Variants in SCAMP5 observed in about 807,000 individuals in gnomAD.
SCAMP5 encodes the protein secretory carrier membrane protein 5, also known as secretory carrier-associated membrane protein 5.
Under a neutral mutation model 28.3 loss-of-function variants are expected in SCAMP5, and 7 were observed. The ratio of observed to expected loss-of-function variants is 0.25; its 90% CI spans 0.14 to 0.46. SCAMP5 has a LOEUF of 0.46. Among genes scored for constraint, SCAMP5 ranks in the 20% least tolerant of loss-of-function variants. SCAMP5 has a pLI of 0.99. For missense variants in SCAMP5, 192 were observed against 312.5 expected (o/e 0.61, Z 2.91); for synonymous variants, 117 against 116.4 (o/e 1.00, Z -0.03).
Position 75,019,003 on chromosome 15 carries a change from TG to T in SCAMP5, c.*22del. ...ATGTGAACCAGCCACGCCTACCAGG[TG>T]GCAGAGCTGGGGCCATTGGGACAGG... On this transcript the variant is annotated 3_prime_UTR_variant, in exon 7 of 7. Coordinates refer to ENST00000425597, the MANE Select transcript of SCAMP5 (RefSeq NM_138967.4). 2 of 1,480,406 alleles carry T rather than the reference TG, an allele frequency of 1.4e-6. No homozygotes were observed. Among genetic ancestry groups the T allele is most frequent in the Non-Finnish European group, 1.8e-6 (2 of 1,116,956 alleles). 91.7% of individuals were successfully genotyped at this position (1,480,406 alleles called of 1,614,324 possible).
Position 75,018,734 on chromosome 15 carries a change from G to T in SCAMP5, c.514-55G>T. 1 of 1,355,572 alleles carries T rather than the reference G, an allele frequency of 7.4e-7. No homozygotes were observed. The highest frequency in any genetic ancestry group is 1.0e-6 in the Non-Finnish European group (1 of 953,590). 84.0% of individuals were successfully genotyped at this position (1,355,572 alleles called of 1,614,324 possible). A position where few individuals can be genotyped will look rare whatever the true frequency, so the allele number is the denominator to read the frequency against. On this transcript the variant is annotated intron_variant, in intron 6 of 6. Transcript: ENST00000425597. The surrounding 1 kb of genome is among the most constrained non-coding windows in gnomAD (Gnocchi z 5.6). ...TACAGATGGGTCCCATCTATTTCCT[G>T]GATGGGCTGCCTTTTCTCTTTGATT...
At chr15:75,011,147 C>T (rs546540241) in intron 1 of SCAMP5, among the ~76,000 whole-genome samples, 2 of 151,752 alleles carry the variant, frequency 1.3e-5, no homozygotes, top group East Asian at 2.0e-4. Context: ...CTGAGGCTGC[C>T]GTGAGCTGGG....
intron 3 of SCAMP5, among the ~76,000 whole-genome samples, chr15:75,015,398 G>T (rs1768574375): frequency 1.3e-5 from 2 of 151,786 alleles, no homozygotes. Flanking sequence ...GTCCCTGCTG[G>T]CCGTGACTCA....
chr15:74,999,631 C>G (rs2065684080), intron 1 of SCAMP5, among the ~76,000 whole-genome samples: 1 of 151,758 alleles, frequency 6.6e-6, no homozygotes, highest in Admixed American at 6.6e-5. Context: ...CAAACAAAAA[C>G]AAAAATAAAA....
At chr15:74,997,001 C>T (rs796102548) in intron 1 of SCAMP5, among the ~76,000 whole-genome samples, 5 of 152,168 alleles carry the variant, frequency 3.3e-5, no homozygotes, top group African/African-American at 9.6e-5. Context: ...TTTCTTTAAC[C>T]GTTTCCTGAG....
intron 2 of SCAMP5, 37 bp downstream of exon 2, chr15:75,011,883 C>G: frequency 6.3e-7 from 1 of 1,595,052 alleles, no homozygotes; most frequent in Non-Finnish European, 8.6e-7. Flanking sequence ...TAGGACATGA[C>G]AGTGAGCATA....
rs576989259 is a variant in SCAMP5, at chr15:75,003,313, A to T, written c.-49+7640A>T. The stretch of plus-strand genomic sequence containing the variant: ...ATGTCATCAATTATATGGAAATGGT[A>T]TAAAGTTATATAGTAAATATTCTGC... On this transcript the variant is annotated intron_variant, in intron 1 of 6. Coordinates refer to ENST00000425597, the MANE Select transcript of SCAMP5 (RefSeq NM_138967.4). Among the ~76,000 whole-genome samples the T allele has an allele frequency of 3.9e-5, 6 of 152,334 alleles. No homozygotes were observed. The South Asian group carries it at 1.2e-3, about 32-fold the overall frequency.
At chr15:74,998,092 C>A (rs888530175) in intron 1 of SCAMP5, among the ~76,000 whole-genome samples, 1 of 152,202 alleles carries the variant, frequency 6.6e-6, no homozygotes, top group Non-Finnish European at 1.5e-5. Flanking sequence ...CCAGAGGCCT[C>A]AGTCTCCCCA....
chr15:75,003,801 C>A (rs1301958186), intron 1 of SCAMP5, among the ~76,000 whole-genome samples: 1 of 152,082 alleles, frequency 6.6e-6, no homozygotes, highest in African/African-American at 2.4e-5. Context: ...CAAAGTGAGA[C>A]CCTATCTAAA....
chr15:75,002,649 C>T (rs2065720622), intron 1 of SCAMP5, among the ~76,000 whole-genome samples: 1 of 151,984 alleles, frequency 6.6e-6, no homozygotes. Context: ...ATCTCTGCCC[C>T]TGGCTATGGA....
chr15:75,016,301 G>T (rs991082599), intron 3 of SCAMP5, among the ~76,000 whole-genome samples: 13 of 152,102 alleles, frequency 8.5e-5, no homozygotes, highest in African/African-American at 2.4e-5. Context: ...GAGGGGTGGG[G>T]GTTGGTTCGA....
At chr15:75,014,386 C>T (rs1317388306) in intron 3 of SCAMP5, among the ~76,000 whole-genome samples, 1 of 152,074 alleles carries the variant, frequency 6.6e-6, no homozygotes, top group African/African-American at 2.4e-5. Context: ...TGATGGCTTC[C>T]ATTTTTTCCA....
At position 74,996,440 on chromosome 15, in the gene SCAMP5, A is replaced by C. The variant is rs2065654787; in HGVS notation, c.-49+767A>C. On this transcript the variant is annotated intron_variant, in intron 1 of 6. Transcript: ENST00000425597. The surrounding 1 kb of genome is among the most constrained non-coding windows in gnomAD (Gnocchi z 4.1). Reference sequence around the variant, plus strand: ...ACTGTCACAGGCGGCTTAAACAAGTAATGTCCCAGCTTCCCGATGGGGAGA... The same window carrying C: ...ACTGTCACAGGCGGCTTAAACAAGTCATGTCCCAGCTTCCCGATGGGGAGA... 6.6e-6 allele frequency: 1 copy of C among 152,348 alleles called. No individual in the cohort carries two copies. The highest frequency in any genetic ancestry group is 1.5e-5 in the Non-Finnish European group (1 of 68,168). The allele number at this position is 152,348 out of a possible 1,614,324, so 9.4% of individuals were successfully genotyped here. A position where few individuals can be genotyped will look rare whatever the true frequency, so the allele number is the denominator to read the frequency against.
intron 1 of SCAMP5, among the ~76,000 whole-genome samples, chr15:74,998,794 A>T (rs1450174312): frequency 1.3e-5 from 2 of 151,860 alleles, no homozygotes; most frequent in Non-Finnish European, 1.5e-5. Context: ...TAACCTTTAT[A>T]TACAAACAAG....
intron 1 of SCAMP5, among the ~76,000 whole-genome samples, chr15:74,997,977 A>G (rs556784745): frequency 3.7e-4 from 57 of 152,196 alleles, no homozygotes; most frequent in African/African-American, 1.2e-3. Context: ...AGGAATCACC[A>G]TTTCTGTGCC....
chr15:75,017,191 A>C (rs949530437), intron 4 of SCAMP5, among the ~76,000 whole-genome samples: 1 of 151,840 alleles, frequency 6.6e-6, no homozygotes, highest in African/African-American at 2.4e-5. Flanking sequence ...GTTCATGTGC[A>C]ATGAGGTCAT....
Position 74,996,001 on chromosome 15 carries a change from G to C in SCAMP5, c.-49+328G>C, listed in dbSNP as rs2141416445. On this transcript the variant is annotated intron_variant, in intron 1 of 6. Transcript: ENST00000425597. The surrounding 1 kb of genome is among the most constrained non-coding windows in gnomAD (Gnocchi z 4.1). ...TTTGGGCCCTCCATCCCCCCCGCCA[G>C]CCCCACCTGGCGTTCCCTGGAAACC... is the stretch of plus-strand genomic sequence containing the variant. The C allele has an allele frequency of 6.5e-6, 1 of 153,054 alleles. No individual in the cohort carries two copies. Among genetic ancestry groups the C allele is most frequent in the South Asian group, 2.1e-4 (1 of 4,836 alleles). The allele number at this position is 153,054 out of a possible 1,614,324, so 9.5% of individuals were successfully genotyped here. A position where few individuals can be genotyped will look rare whatever the true frequency, so the allele number is the denominator to read the frequency against.
intron 3 of SCAMP5, among the ~76,000 whole-genome samples, chr15:75,016,358 G>A (rs1472133938): frequency 6.6e-6 from 1 of 152,180 alleles, no homozygotes; most frequent in African/African-American, 2.4e-5. Context: ...GCGTGTGTAT[G>A]TGTGTCTCCT....
rs201349982 is a variant in SCAMP5 at position 75,018,343 on chromosome 15, G to A, written c.396-75G>A. On this transcript the variant is annotated intron_variant, in intron 5 of 6. Coordinates refer to ENST00000425597, the MANE Select transcript of SCAMP5 (RefSeq NM_138967.4). The surrounding 1 kb of genome is among the most constrained non-coding windows in gnomAD (Gnocchi z 5.6). ...TGTTTCCTCCCTGTGGCAATGAGAC[G>A]GTCCCTTCCTCTAGCGGGGGGCTCC... 3.7e-5 allele frequency: 32 copies of A among 874,782 alleles called. No individual in the cohort carries two copies. The highest frequency in any genetic ancestry group is 8.5e-5 in the Admixed American group (5 of 58,978). 54.2% of individuals were successfully genotyped at this position (874,782 alleles called of 1,614,324 possible).
Sources: gnomAD v4.1 joint callset for allele counts (sites outside exome capture counted in the v4.1 genomes callset) on GRCh38, gnomAD v4.1.1 for gene constraint, Gnocchi (gnomAD v3.1) non-coding constraint, MANE v1.5 for transcripts, NCBI Gene and HGNC (gene_info 2026-07-23, HGNC 2026-07-21) for gene names.